Variants in DLGAP2 observed in about 807,000 individuals in gnomAD.
DLGAP2 encodes disks large-associated protein 2.
A neutral mutation model predicts 100.3 loss-of-function variants in DLGAP2; 26 were observed. The observed-to-expected ratio is 0.26, with a 90% CI of 0.19 to 0.36. The LOEUF (loss-of-function observed/expected upper bound fraction) is 0.36. Among genes scored for constraint, DLGAP2 ranks in the 10% least tolerant of loss-of-function variants. DLGAP2 has a pLI of 1.00. For synonymous variants in DLGAP2, 886 were observed against 630.1 expected (o/e 1.41, Z -6.08); for missense variants, 1,858 against 1,453.2 (o/e 1.28, Z -4.53).
At chr8:1,528,539 C>T (rs1800873083) in intron 4 of DLGAP2, among the ~76,000 whole-genome samples, 2 of 152,230 alleles carry the variant, frequency 1.3e-5, no homozygotes, top group Non-Finnish European at 2.9e-5. Flanking sequence ...TCTCAGGGCC[C>T]ACCCGGGGGC....
chr8:976,044 C>T (rs551323728), intron 2 of DLGAP2, among the ~76,000 whole-genome samples: 1 of 152,118 alleles, frequency 6.6e-6, no homozygotes, highest in Non-Finnish European at 1.5e-5. Flanking sequence ...TTTTCCTATA[C>T]ACCAGCAATA....
intron 2 of DLGAP2, among the ~76,000 whole-genome samples, chr8:1,208,837 A>T (rs184216476): frequency 1.3e-5 from 2 of 151,804 alleles, no homozygotes; most frequent in Admixed American, 1.3e-4. Flanking sequence ...CAGATCAAGA[A>T]CTCCACCCCT....
rs11429275 is a variant in DLGAP2, at chr8:1,553,461, C to CA, written c.1230+3778_1230+3779insA. On this transcript the variant is annotated intron_variant, in intron 5 of 14. Coordinates refer to ENST00000637795, the MANE Select transcript of DLGAP2 (RefSeq NM_001346810.2). ...AGCCCTGTTTTATTCGGCGTGTTCA[C>CA]GGTCAGCAGCCCCGTTGTGCTTGGC... Among the ~76,000 whole-genome samples the CA allele has an allele frequency of 7.2e-4, 110 of 152,022 alleles. No individual in the cohort carries two copies. In the East Asian group the frequency reaches 8.1e-3, roughly 11 times the overall value.
At position 949,610 on chromosome 8, in the gene DLGAP2, G is replaced by T. The variant is rs533966638; in HGVS notation, c.73+41644G>T. ...TGTGCTCCCCAGGACGGGCCTCCCC[G>T]CTGCAGCTTCCTCATTGTGGGTCAC... On this transcript the variant is annotated intron_variant, in intron 2 of 14. Coordinates refer to ENST00000637795, the MANE Select transcript of DLGAP2 (RefSeq NM_001346810.2). Among the ~76,000 whole-genome samples, 15 of 152,314 alleles carry T rather than the reference G, an allele frequency of 9.8e-5. 1 individual carries two copies. Among genetic ancestry groups the T allele is most frequent in the East Asian group, 9.7e-4 (5 of 5,166 alleles).
chr8:859,590 G>C (rs1018106979), intron 1 of DLGAP2, among the ~76,000 whole-genome samples: 13 of 152,182 alleles, frequency 8.5e-5, no homozygotes, highest in African/African-American at 3.1e-4. Flanking sequence ...AAACCTGCTG[G>C]GGGAGGCTGG....
chr8:1,267,614 A>AAAAAAAT (rs1799489873), intron 3 of DLGAP2, among the ~76,000 whole-genome samples: 5 of 124,436 alleles, frequency 4.0e-5, no homozygotes, highest in Non-Finnish European at 8.3e-5. Context: ...AAGATAAGAT[A>AAAAAAAT]AGATAAGATA....
At chr8:957,610 C>T (rs886600765) in intron 2 of DLGAP2, among the ~76,000 whole-genome samples, 6 of 152,158 alleles carry the variant, frequency 3.9e-5, no homozygotes, top group Admixed American at 1.3e-4. Flanking sequence ...TACGTTGTTG[C>T]AATTTCTTAG....
chr8:1,247,204 T>G lies in DLGAP2; in HGVS notation c.74-11647T>G, dbSNP rs1250857099. On this transcript the variant is annotated intron_variant, in intron 2 of 14. Transcript: ENST00000637795. ...CCCACGTCGGTGGCTGGGAAGACCT[T>G]TGAGATCAGTGTGGAGTGATGGTCC... 2.1e-5 allele frequency: 2 copies of G among 97,072 alleles called. 1 individual carries two copies. The highest frequency in any genetic ancestry group is 7.5e-5 in the African/African-American group (2 of 26,740). The allele number at this position is 97,072 out of a possible 1,614,324, so 6.0% of individuals were successfully genotyped here.
At chr8:994,957 A>C (rs979446060) in intron 2 of DLGAP2, among the ~76,000 whole-genome samples, 1 of 152,222 alleles carries the variant, frequency 6.6e-6, no homozygotes, top group African/African-American at 2.4e-5. Flanking sequence ...TCACGGGGGC[A>C]GGGCACATAT....
rs573546756 is a variant in DLGAP2, at chr8:1,636,315, A to G, written c.1810+3269A>G. ...CTGATTCTAGAAGTCATTAAAACAAAGGGAAAACCTATAGAAAGCATGGCA... is the reference window on the plus strand; with the variant it reads ...CTGATTCTAGAAGTCATTAAAACAAGGGGAAAACCTATAGAAAGCATGGCA... On this transcript the variant is annotated intron_variant, in intron 8 of 14. Transcript: ENST00000637795. Among the ~76,000 whole-genome samples the G allele has an allele frequency of 8.5e-4, 130 of 152,342 alleles. 2 individuals are homozygous for G. In the South Asian group the frequency reaches 9.7e-3, roughly 11 times the overall value.
intron 2 of DLGAP2, among the ~76,000 whole-genome samples, chr8:1,057,610 C>T (rs528991158): frequency 7.2e-5 from 11 of 152,254 alleles, no homozygotes; most frequent in African/African-American, 1.9e-4. Flanking sequence ...TTCTAAACAC[C>T]GACAAAGTCT....
chr8:1,625,704 T>C (rs1294473893), intron 6 of DLGAP2, among the ~76,000 whole-genome samples: 1 of 152,258 alleles, frequency 6.6e-6, no homozygotes, highest in Admixed American at 6.5e-5. Context: ...GCTATTATGC[T>C]GTGTGAGTTA....
chr8:747,500 C>G lies in DLGAP2; in HGVS notation c.18+9675C>G, dbSNP rs1483933276. ...CAGGCCACGTTCCAGCCGAGGGGAA[C>G]GCGGAGGACACAGGCGGCTGGAGGG... On this transcript the variant is annotated intron_variant, in intron 1 of 14. Coordinates refer to ENST00000637795, the MANE Select transcript of DLGAP2 (RefSeq NM_001346810.2). Among the ~76,000 whole-genome samples, 4 of 135,866 alleles carry G rather than the reference C, an allele frequency of 2.9e-5. 1 individual carries two copies. Among genetic ancestry groups the G allele is most frequent in the African/African-American group, 1.1e-4 (4 of 34,990 alleles). The allele number at this position is 135,866 out of a possible 152,430, so 89.1% of individuals were successfully genotyped here. A position where few individuals can be genotyped will look rare whatever the true frequency, so the allele number is the denominator to read the frequency against.
chr8:1,064,847 C>G (rs377652102), intron 2 of DLGAP2, among the ~76,000 whole-genome samples: 2 of 152,348 alleles, frequency 1.3e-5, no homozygotes, highest in East Asian at 1.9e-4. Context: ...CCCCTCCACC[C>G]TGACATGCAC....
At chr8:864,457 C>T (rs1797452614) in intron 1 of DLGAP2, among the ~76,000 whole-genome samples, 2 of 152,206 alleles carry the variant, frequency 1.3e-5, no homozygotes, top group African/African-American at 4.8e-5. Flanking sequence ...TGAATAAGTA[C>T]AACTATTGTG....
intron 3 of DLGAP2, among the ~76,000 whole-genome samples, chr8:1,444,754 C>T (rs548198192): frequency 7.0e-6 from 1 of 142,778 alleles, no homozygotes; most frequent in East Asian, 2.0e-4. Flanking sequence ...CATGATCATG[C>T]TTTGAGCCAG....
intron 4 of DLGAP2, among the ~76,000 whole-genome samples, chr8:1,544,414 C>T (rs1272651461): frequency 3.3e-5 from 5 of 152,170 alleles, no homozygotes; most frequent in Admixed American, 3.3e-4. Context: ...ACAGGGAGAG[C>T]TTTCAGCCCT....
intron 2 of DLGAP2, among the ~76,000 whole-genome samples, chr8:1,150,362 G>A (rs909453319): frequency 6.6e-6 from 1 of 152,062 alleles, no homozygotes; most frequent in Non-Finnish European, 1.5e-5. Flanking sequence ...TAAATCTTAC[G>A]TTTCTTTGGC....
At chr8:1,265,910 C>G (rs1385317207) in intron 3 of DLGAP2, among the ~76,000 whole-genome samples, 2 of 152,122 alleles carry the variant, frequency 1.3e-5, no homozygotes, top group Non-Finnish European at 2.9e-5. Flanking sequence ...GGTAGGATGA[C>G]TCAGGTATTT....
Sources: gnomAD v4.1 joint callset for allele counts (sites outside exome capture counted in the v4.1 genomes callset) on GRCh38, gnomAD v4.1.1 for gene constraint, MANE v1.5 for transcripts, NCBI Gene and HGNC (gene_info 2026-07-23, HGNC 2026-07-21) for gene names.